Variants in CD2AP observed in about 807,000 individuals in gnomAD.
CD2AP encodes the protein CD2-associated protein.
Under a neutral mutation model 85.1 loss-of-function variants are expected in CD2AP, and 46 were observed. The observed-to-expected ratio is 0.54, with a 90% CI of 0.43 to 0.69. The LOEUF is 0.69. Ranked by LOEUF, CD2AP falls within the 30% of genes least tolerant of loss-of-function variation. CD2AP has a pLI of 0.00. For synonymous variants in CD2AP, 255 were observed against 252.9 expected (o/e 1.01, Z -0.08); for missense variants, 769 against 729.5 (o/e 1.05, Z -0.62).
rs760951876 is a variant in CD2AP, at chr6:47,624,171, T to C, written c.1879-15T>C. On this transcript the variant is annotated splice_polypyrimidine_tract_variant and intron_variant, in intron 17 of 17. Transcript: ENST00000359314. The stretch of plus-strand genomic sequence containing the variant: ...GGATATTTTATGTTTGCTCAATTTA[T>C]GTTTTTTGTTTTAGATGGAAATAGA... The C allele has an allele frequency of 5.6e-6, 9 of 1,595,334 alleles. No homozygotes were observed. The African/African-American group carries it at 6.7e-5, about 12-fold the overall frequency.
chr6:47,503,259 C>T (rs773187230), intron 1 of CD2AP, 21 bp from the exon 2 acceptor site: 108 of 1,608,352 alleles, frequency 6.7e-5, no homozygotes, highest in East Asian at 4.5e-4. Context: ...TTAGACATTT[C>T]GTTTTTTCCC....
Position 47,558,135 on chromosome 6 carries a change from A to ATT in CD2AP, c.541+3370_541+3371dup, listed in dbSNP as rs979411970. 9.9e-5 allele frequency among the ~76,000 whole-genome samples: 15 copies of ATT among 152,130 alleles called. No individual in the cohort carries two copies. The East Asian group carries it at 2.9e-3, about 29-fold the overall frequency. On this transcript the variant is annotated intron_variant, in intron 5 of 17. Transcript: ENST00000359314. ...TGATTTGGCCCTCTGTTTGTCTTTTATTGGTGTATAGGAATGCTTGTGATT... is the reference window on the plus strand; with the variant it reads ...TGATTTGGCCCTCTGTTTGTCTTTTATTTTGGTGTATAGGAATGCTTGTGATT...
intron 9 of CD2AP, 35 bp downstream of exon 9, chr6:47,579,524 A>G: frequency 7.6e-7 from 1 of 1,318,160 alleles, no homozygotes; most frequent in Non-Finnish European, 1.1e-6. Context: ...ATAATACTTG[A>G]AAGAACATTT....
intron 1 of CD2AP, among the ~76,000 whole-genome samples, chr6:47,502,083 A>C (rs1322525943): frequency 1.3e-5 from 2 of 152,090 alleles, no homozygotes; most frequent in Non-Finnish European, 2.9e-5. Flanking sequence ...TTCCAAGCTC[A>C]TGTGTTAGTT....
intron 2 of CD2AP, among the ~76,000 whole-genome samples, chr6:47,517,180 CCTTT>C (rs1324062510): frequency 2.0e-5 from 3 of 152,182 alleles, no homozygotes; most frequent in Admixed American, 2.0e-4. Flanking sequence ...CGCCTGCTCC[CCTTT>C]CTTCTTCTGC....
At position 47,574,103 on chromosome 6, in the gene CD2AP, T is replaced by C; in HGVS notation, c.581T>C (p.Leu194Pro). 1 of 1,614,046 alleles carries C rather than the reference T, an allele frequency of 6.2e-7. No individual in the cohort carries two copies. Residue 194 changes from leucine (L) to proline (P), a missense_variant, in exon 6 of 18, where the codon CTG (leucine) becomes CCG (proline). Coordinates refer to ENST00000359314, the MANE Select transcript of CD2AP (RefSeq NM_012120.3). Reference protein sequence around the residue: ...LAGPTSPIPSLGNVSETASGS... With the variant: ...LAGPTSPIPSPGNVSETASGS... Reference sequence around the variant, plus strand: ...GGGCCTACTTCACCTATACCTTCTCTGGGAAATGTGAGTGAAACTGCATCT... The same window carrying C: ...GGGCCTACTTCACCTATACCTTCTCCGGGAAATGTGAGTGAAACTGCATCT...
intron 11 of CD2AP, among the ~76,000 whole-genome samples, chr6:47,595,106 T>TA (rs1371097669): frequency 2.0e-5 from 3 of 152,054 alleles, no homozygotes; most frequent in Non-Finnish European, 2.9e-5. Flanking sequence ...AATACCTATT[T>TA]ATGAGCACCT....
chr6:47,576,990 T>C lies in CD2AP; in HGVS notation c.809-19T>C. On this transcript the variant is annotated intron_variant, in intron 7 of 17. Coordinates refer to ENST00000359314, the MANE Select transcript of CD2AP (RefSeq NM_012120.3). ...GAATCCATTTGTGTGAGCCACATTA[T>C]TTACATTCTTTATTTCAGCTAAAGA... The C allele has an allele frequency of 8.1e-7, 1 of 1,227,726 alleles. No homozygotes were observed. The highest frequency in any genetic ancestry group is 1.2e-6 in the Non-Finnish European group (1 of 827,546). 76.1% of individuals were successfully genotyped at this position (1,227,726 alleles called of 1,614,324 possible).
intron 1 of CD2AP, among the ~76,000 whole-genome samples, chr6:47,478,877 C>A (rs1765377790): frequency 6.6e-6 from 1 of 152,116 alleles, no homozygotes; most frequent in Non-Finnish European, 1.5e-5. Context: ...GTGTTGGATC[C>A]TTTGAGGAGC....
At chr6:47,604,558 G>A (rs1259808196) in intron 13 of CD2AP, among the ~76,000 whole-genome samples, 2 of 151,868 alleles carry the variant, frequency 1.3e-5, no homozygotes, top group Non-Finnish European at 2.9e-5. Context: ...AAAATGATTG[G>A]ATTGTACTTG....
intron 1 of CD2AP, among the ~76,000 whole-genome samples, chr6:47,496,059 T>G (rs1369409970): frequency 6.6e-6 from 1 of 152,208 alleles, no homozygotes; most frequent in Non-Finnish European, 1.5e-5. Flanking sequence ...CCACTTCTTT[T>G]GTTTTTCCTT....
chr6:47,605,793 A>C (rs1769254267), intron 13 of CD2AP, among the ~76,000 whole-genome samples: 2 of 152,026 alleles, frequency 1.3e-5, no homozygotes, highest in Non-Finnish European at 2.9e-5. Flanking sequence ...CTTTTAATTT[A>C]TTATGAGTTT....
At chr6:47,562,240 A>G (rs1192053257) in intron 5 of CD2AP, among the ~76,000 whole-genome samples, 1 of 152,226 alleles carries the variant, frequency 6.6e-6, no homozygotes, top group Non-Finnish European at 1.5e-5. Flanking sequence ...GTTTATCAAT[A>G]AACTATGAGT....
intron 3 of CD2AP, among the ~76,000 whole-genome samples, chr6:47,534,810 T>C (rs1186618141): frequency 6.6e-6 from 1 of 152,030 alleles, no homozygotes; most frequent in Non-Finnish European, 1.5e-5. Flanking sequence ...ATACTTTTTT[T>C]TTTTTTTGAG....
In CD2AP at chr6:47,533,813, CTG is replaced by C. The variant is rs948471850; in HGVS notation, c.319+62_319+63del. 34 of 1,563,306 alleles carry C rather than the reference CTG, an allele frequency of 2.2e-5. No individual in the cohort carries two copies. The Admixed American group carries it at 4.7e-4, about 22-fold the overall frequency. On this transcript the variant is annotated intron_variant, in intron 3 of 17. Coordinates refer to ENST00000359314, the MANE Select transcript of CD2AP (RefSeq NM_012120.3). ...ATCAAAATAGAAGGATATTTTATAACTGTGTCTAAATTAAGAAAAATTAGTTC... is the reference window on the plus strand; with the variant it reads ...ATCAAAATAGAAGGATATTTTATAACTGTCTAAATTAAGAAAAATTAGTTC...
chr6:47,507,238 C>G (rs1256267813), intron 2 of CD2AP, among the ~76,000 whole-genome samples: 2 of 152,130 alleles, frequency 1.3e-5, no homozygotes, highest in East Asian at 3.9e-4. Context: ...CCACATCTAC[C>G]GTTAACTTCC....
intron 11 of CD2AP, among the ~76,000 whole-genome samples, chr6:47,589,658 G>T (rs979186212): frequency 2.6e-5 from 4 of 151,150 alleles, no homozygotes; most frequent in African/African-American, 9.7e-5. Context: ...GAGGGGAAGA[G>T]GAGAGCCCAG....
chr6:47,527,473 G>T (rs1766760543), intron 2 of CD2AP, among the ~76,000 whole-genome samples: 1 of 152,238 alleles, frequency 6.6e-6, no homozygotes, highest in South Asian at 2.1e-4. Context: ...ACTGTGGAGA[G>T]TAAAAGGGAG....
intron 11 of CD2AP, among the ~76,000 whole-genome samples, chr6:47,589,586 CAG>C (rs746575514): frequency 6.7e-5 from 4 of 59,890 alleles, no homozygotes; most frequent in Non-Finnish European, 1.4e-4. Flanking sequence ...ATATATTTGT[CAG>C]AGTCATCTGC....
Sources: gnomAD v4.1 joint callset for allele counts (sites outside exome capture counted in the v4.1 genomes callset) on GRCh38, gnomAD v4.1.1 for gene constraint, MANE v1.5 for transcripts, NCBI Gene and HGNC (gene_info 2026-07-23, HGNC 2026-07-21) for gene names.